Variants in SDK1 observed in about 807,000 individuals in gnomAD.
SDK1 encodes protein sidekick-1.
In SDK1, 157 loss-of-function variants were observed where a neutral mutation model predicts 245.5. That is an observed-to-expected ratio of 0.64 (90% CI 0.56 to 0.73). The LOEUF (loss-of-function observed/expected upper bound fraction) is 0.73, where lower values mean the gene tolerates loss of function less well. SDK1 is among the 30% of genes least tolerant of loss of function. The pLI is 0.00. For missense variants in SDK1, 3,583 were observed against 3,002.3 expected (o/e 1.19, Z -4.52); for synonymous variants, 1,647 against 1,278.5 (o/e 1.29, Z -6.15).
At chr7:3,727,397 T>G (rs1779041475) in intron 4 of SDK1, among the ~76,000 whole-genome samples, 1 of 152,208 alleles carries the variant, frequency 6.6e-6, no homozygotes, top group Non-Finnish European at 1.5e-5. Context: ...CATTAACGTT[T>G]GCCATCAGCT....
intron 4 of SDK1, among the ~76,000 whole-genome samples, chr7:3,818,770 T>C (rs1779572399): frequency 6.6e-6 from 1 of 152,184 alleles, no homozygotes; most frequent in Admixed American, 6.5e-5. Flanking sequence ...GTGCTTTCCG[T>C]TCTCTCTATT....
intron 4 of SDK1, among the ~76,000 whole-genome samples, chr7:3,664,550 C>G (rs1486202350): frequency 6.6e-6 from 1 of 152,020 alleles, no homozygotes; most frequent in Non-Finnish European, 1.5e-5. Flanking sequence ...ATCAGCCTGG[C>G]CAACATGGTG....
At chr7:3,969,171 ATTACT>A in intron 10 of SDK1, 81 bp from the exon 11 acceptor site, 2 of 1,259,374 alleles carry the variant, frequency 1.6e-6, no homozygotes, top group East Asian at 5.4e-5. Context: ...GCCGAACCAT[ATTACT>A]TGCTTATGGC....
rs544168897 is a variant in SDK1, at chr7:3,328,345, C to A, written c.298+26461C>A. ...TAAGGTCTACACTTATGAGCTCTTA[C>A]AATTTGCTTTTAGATATATATATTG... On this transcript the variant is annotated intron_variant, in intron 1 of 44. Coordinates refer to ENST00000404826, the MANE Select transcript of SDK1 (RefSeq NM_152744.4). Among the ~76,000 whole-genome samples the A allele has an allele frequency of 2.0e-5, 3 of 152,112 alleles. No individual in the cohort carries two copies. The South Asian group carries it at 6.2e-4, about 32-fold the overall frequency.
At chr7:3,368,589 A>G (rs1781148069) in intron 1 of SDK1, among the ~76,000 whole-genome samples, 1 of 152,180 alleles carries the variant, frequency 6.6e-6, no homozygotes, top group Non-Finnish European at 1.5e-5. Flanking sequence ...TGAGGACAGT[A>G]ACAGAGGAGA....
intron 1 of SDK1, among the ~76,000 whole-genome samples, chr7:3,515,731 G>A (rs1583984017): frequency 6.6e-6 from 1 of 152,238 alleles, no homozygotes; most frequent in East Asian, 1.9e-4. Context: ...TGTACATTTT[G>A]TGCCATTTTT....
intron 44 of SDK1, among the ~76,000 whole-genome samples, chr7:4,259,805 C>T (rs1344643002): frequency 6.6e-6 from 1 of 152,108 alleles, no homozygotes; most frequent in African/African-American, 2.4e-5. Context: ...TGCGCGGATC[C>T]TAGAGAGAAG....
intron 1 of SDK1, among the ~76,000 whole-genome samples, chr7:3,617,234 T>C (rs1781799369): frequency 6.6e-6 from 1 of 152,252 alleles, no homozygotes; most frequent in Non-Finnish European, 1.5e-5. Context: ...ATTTATTCAT[T>C]CAACAGATAT....
intron 13 of SDK1, 24 bp downstream of exon 13, chr7:3,974,569 T>C (rs1028307101): frequency 6.2e-7 from 1 of 1,606,246 alleles, no homozygotes; most frequent in Non-Finnish European, 8.5e-7. Flanking sequence ...CGTTTGGTGT[T>C]AGCCAGTCCG....
intron 2 of SDK1, among the ~76,000 whole-genome samples, chr7:3,619,613 G>C (rs1053449806): frequency 2.2e-4 from 33 of 152,180 alleles, no homozygotes; most frequent in African/African-American, 7.7e-4. Flanking sequence ...CAGATCTTTA[G>C]TATGGTAGCT....
chr7:3,958,064 G>C, intron 7 of SDK1: 1 of 468,486 alleles, frequency 2.1e-6, no homozygotes, highest in South Asian at 1.6e-5. Context: ...TAAAGATACA[G>C]TCAATATAGG....
intron 1 of SDK1, among the ~76,000 whole-genome samples, chr7:3,533,261 C>G (rs558011802): frequency 6.6e-6 from 1 of 152,054 alleles, no homozygotes; most frequent in Non-Finnish European, 1.5e-5. Context: ...TGTGGTGATG[C>G]TAAGTAAACA....
chr7:4,097,231 G>A (rs1782209820), intron 22 of SDK1, among the ~76,000 whole-genome samples: 2 of 112,586 alleles, frequency 1.8e-5, no homozygotes, highest in Non-Finnish European at 3.7e-5. Flanking sequence ...CTCTGGGTGA[G>A]GGGCTCACCT....
chr7:3,628,072 G>T (rs965680664), intron 2 of SDK1, among the ~76,000 whole-genome samples: 3 of 151,954 alleles, frequency 2.0e-5, no homozygotes, highest in Admixed American at 6.6e-5. Context: ...CCTTAACTGC[G>T]CTCCCTTTGG....
At position 3,707,765 on chromosome 7, in the gene SDK1, C is replaced by A. The variant is rs140471099; in HGVS notation, c.713+65660C>A. ...TGCATAGAAACTTAGGATTGTAATT[C>A]TTCTTGTTGGATTCATCCTCTTATC... On this transcript the variant is annotated intron_variant, in intron 4 of 44. Coordinates refer to ENST00000404826, the MANE Select transcript of SDK1 (RefSeq NM_152744.4). Among the ~76,000 whole-genome samples, 54 of 152,202 alleles carry A rather than the reference C, an allele frequency of 3.5e-4. No homozygotes were observed. The East Asian group carries it at 9.7e-3, about 27-fold the overall frequency.
Position 3,962,829 on chromosome 7 carries a change from C to G in SDK1, c.1407C>G (p.Thr469=), listed in dbSNP as rs150361503. 1,008 of 1,612,912 alleles carry G rather than the reference C, an allele frequency of 6.2e-4. 1 individual carries two copies. The highest frequency in any genetic ancestry group is 5.6e-3 in the Middle Eastern group (34 of 6,058). ...GCAATGAAGGAGGGGAGATCCAGAC[C>G]CACACCTACCTGGATGTAACCAGTG... The part of the protein sequence containing the change: ...FASNEGGEIQ[T]HTYLDVTNIA... The change falls in exon 9 of 45, where the codon ACC becomes ACG. Residue 469 remains threonine, a synonymous_variant. Transcript: ENST00000404826.
At chr7:4,029,687 A>G (rs1039186724) in intron 17 of SDK1, among the ~76,000 whole-genome samples, 5 of 152,090 alleles carry the variant, frequency 3.3e-5, no homozygotes, top group Non-Finnish European at 7.4e-5. Flanking sequence ...ATCAGCCACC[A>G]CTTGGAGGGT....
intron 4 of SDK1, among the ~76,000 whole-genome samples, chr7:3,760,160 T>A (rs1780052735): frequency 1.3e-5 from 2 of 152,318 alleles, no homozygotes; most frequent in Non-Finnish European, 2.9e-5. Flanking sequence ...CATATCTGCA[T>A]TTGTGAAAGA....
chr7:3,764,756 C>G (rs1196902612), intron 4 of SDK1, among the ~76,000 whole-genome samples: 1 of 151,838 alleles, frequency 6.6e-6, no homozygotes, highest in Non-Finnish European at 1.5e-5. Flanking sequence ...AATATTCTAG[C>G]TTTGATATAA....
Sources: allele counts gnomAD v4.1 joint callset (sites outside exome capture counted in the v4.1 genomes callset), GRCh38; gene constraint gnomAD v4.1.1; transcripts MANE v1.5; gene names NCBI Gene and HGNC (gene_info 2026-07-23, HGNC 2026-07-21).